Variants in DRC11 observed in about 807,000 individuals in gnomAD.
The protein encoded by DRC11 is IQ and AAA domain-containing protein 1.
the DRC11 span, among the ~76,000 whole-genome samples, chr2:236,420,444 T>C: frequency 6.5e-3 from 991 of 152,306 alleles, 10 homozygotes; most frequent in African/African-American, 0.023. The surrounding 1 kb of genome is among the most constrained non-coding windows in gnomAD (Gnocchi z 4.8). Context: ...TGTAAGGGAA[T>C]GACAAACTCC....
the DRC11 span, among the ~76,000 whole-genome samples, chr2:236,504,426 G>T: frequency 3.6e-4 from 55 of 152,286 alleles, no homozygotes; most frequent in African/African-American, 1.3e-3. This position sits in a 1 kb window ranked among gnomAD's most constrained non-coding sequence, Gnocchi z 5.0. Context: ...GCGAGTTTCT[G>T]CGTGGAAATA....
chr2:236,321,263 G>C, the DRC11 span, among the ~76,000 whole-genome samples: 1 of 152,206 alleles, frequency 6.6e-6, no homozygotes, highest in African/African-American at 2.4e-5. Flanking sequence ...ATCTGTCAGA[G>C]TGGACTGATT....
the DRC11 span, among the ~76,000 whole-genome samples, chr2:236,435,515 T>C: frequency 1.3e-5 from 2 of 152,186 alleles, no homozygotes; most frequent in Admixed American, 6.5e-5. Context: ...TTTAATTGAC[T>C]CACAGTTCCA....
chr2:236,389,360 C>G, the DRC11 span, among the ~76,000 whole-genome samples: 1 of 152,218 alleles, frequency 6.6e-6, no homozygotes, highest in Non-Finnish European at 1.5e-5. Flanking sequence ...GATATAATCT[C>G]GTGGTGCACC....
chr2:236,488,387 G>C, the DRC11 span, among the ~76,000 whole-genome samples: 1 of 152,166 alleles, frequency 6.6e-6, no homozygotes, highest in African/African-American at 2.4e-5. Flanking sequence ...TGCTCATGCT[G>C]TGATCCCAAA....
the DRC11 span, among the ~76,000 whole-genome samples, chr2:236,451,530 T>C: frequency 6.6e-6 from 1 of 152,206 alleles, no homozygotes; most frequent in Non-Finnish European, 1.5e-5. Flanking sequence ...CGAGCTTACA[T>C]GTTATTATGC....
the DRC11 span, among the ~76,000 whole-genome samples, chr2:236,312,977 A>G: frequency 3.3e-5 from 5 of 152,116 alleles, no homozygotes; most frequent in Non-Finnish European, 5.9e-5. Context: ...GAAAAACACA[A>G]CTTACCAAAA....
chr2:236,457,241 C>T, the DRC11 span, among the ~76,000 whole-genome samples: 2 of 152,122 alleles, frequency 1.3e-5, no homozygotes, highest in African/African-American at 4.8e-5. This position sits in a 1 kb window ranked among gnomAD's most constrained non-coding sequence, Gnocchi z 4.7. Flanking sequence ...TAAGCTTAAA[C>T]TAAAATGAAA....
the DRC11 span, among the ~76,000 whole-genome samples, chr2:236,416,708 CATATATATATATTTATATATAT>C: frequency 1.6e-3 from 118 of 74,574 alleles, 1 homozygote; most frequent in African/African-American, 4.8e-3. Context: ...TATTTATTTA[CATATATATATATTTATATATAT>C]ATATATATAT....
chr2:236,503,489 T>C, the DRC11 span: 134 of 850,050 alleles, frequency 1.6e-4, no homozygotes, highest in Non-Finnish European at 2.2e-4. The surrounding 1 kb of genome is among the most constrained non-coding windows in gnomAD (Gnocchi z 4.9). Context: ...CCTGGTGGCT[T>C]GAGCCTTCCG....
the DRC11 span, chr2:236,412,975 G>C: frequency 6.6e-6 from 1 of 152,238 alleles, no homozygotes; most frequent in Admixed American, 6.6e-5. Context: ...TTGGTCAGGT[G>C]GTTGCCGTGG....
chr2:236,390,363 CTGAAA>C, the DRC11 span, among the ~76,000 whole-genome samples: 3 of 152,160 alleles, frequency 2.0e-5, no homozygotes, highest in Non-Finnish European at 2.9e-5. This position sits in a 1 kb window ranked among gnomAD's most constrained non-coding sequence, Gnocchi z 5.9. Context: ...GTCCCTAAAT[CTGAAA>C]TGAATCACAT....
the DRC11 span, among the ~76,000 whole-genome samples, chr2:236,389,852 C>G: frequency 6.6e-6 from 1 of 152,114 alleles, no homozygotes; most frequent in African/African-American, 2.4e-5. Flanking sequence ...CTGGAAGTTA[C>G]TTGGAATGTT....
At chr2:236,477,024 G>A in the DRC11 span, among the ~76,000 whole-genome samples, 3 of 152,050 alleles carry the variant, frequency 2.0e-5, no homozygotes, top group Non-Finnish European at 4.4e-5. Flanking sequence ...TTTTGTTGAG[G>A]ATTTCTCCAT....
the DRC11 span, among the ~76,000 whole-genome samples, chr2:236,416,772 T>TATATAA: frequency 8.6e-6 from 1 of 115,770 alleles, no homozygotes; most frequent in Non-Finnish European, 1.8e-5. Flanking sequence ...TATATATAAA[T>TATATAA]AATTTTGCGA....
chr2:236,474,703 A>G, the DRC11 span, among the ~76,000 whole-genome samples: 869 of 152,288 alleles, frequency 5.7e-3, 7 homozygotes, highest in East Asian at 0.04. Context: ...GAACAGAGAA[A>G]TACTGACATA....
At chr2:236,436,189 T>C in the DRC11 span, among the ~76,000 whole-genome samples, 1 of 152,226 alleles carries the variant, frequency 6.6e-6, no homozygotes, top group East Asian at 1.9e-4. Context: ...TTCCTGTTTA[T>C]ATTCTTTGCT....
At chr2:236,338,465 A>G in the DRC11 span, 1 of 1,218,250 alleles carries the variant, frequency 8.2e-7, no homozygotes, top group Admixed American at 2.2e-5. Flanking sequence ...GATGCATTGC[A>G]GCATCCTTTG....
At chr2:236,456,475 T>C in the DRC11 span, among the ~76,000 whole-genome samples, 1 of 152,148 alleles carries the variant, frequency 6.6e-6, no homozygotes, top group Non-Finnish European at 1.5e-5. This position sits in a 1 kb window ranked among gnomAD's most constrained non-coding sequence, Gnocchi z 5.4. Flanking sequence ...AGACTGAAAG[T>C]GGTGGCTGGT....
Sources: gnomAD v4.1 joint callset for allele counts (sites outside exome capture counted in the v4.1 genomes callset) on GRCh38, gnomAD v4.1.1 for gene constraint, Gnocchi (gnomAD v3.1) non-coding constraint, MANE v1.5 for transcripts, NCBI Gene and HGNC (gene_info 2026-07-23, HGNC 2026-07-21) for gene names.